The following GRIK2 variants were observed in gnomAD, a reference collection of about 807,000 sequenced individuals.
The protein encoded by GRIK2 is glutamate ionotropic receptor kainate type subunit 2.
In GRIK2, 32 loss-of-function variants were observed where a neutral mutation model predicts 100.3. The ratio of observed to expected loss-of-function variants is 0.32; its 90% CI spans 0.24 to 0.43. The LOEUF (loss-of-function observed/expected upper bound fraction) is 0.43. Among genes scored for constraint, GRIK2 ranks in the 20% least tolerant of loss-of-function variants. GRIK2 has a pLI of 1.00. For synonymous variants in GRIK2, 417 were observed against 389.4 expected (o/e 1.07, Z -0.83); for missense variants, 843 against 1,114.9 (o/e 0.76, Z 3.47).
intron 7 of GRIK2, among the ~76,000 whole-genome samples, chr6:101,699,656 C>G (rs1489001129): frequency 2.0e-5 from 3 of 152,078 alleles, no homozygotes; most frequent in African/African-American, 7.2e-5. Flanking sequence ...TAGCAACTTT[C>G]AAGCCCTGGG....
At chr6:101,543,306 A>G (rs1776091109) in intron 2 of GRIK2, among the ~76,000 whole-genome samples, 1 of 152,182 alleles carries the variant, frequency 6.6e-6, no homozygotes, top group Admixed American at 6.5e-5. Flanking sequence ...CCCCAGTGTA[A>G]CTTCACTTAG....
At chr6:101,787,026 T>C (rs1779470099) in intron 7 of GRIK2, among the ~76,000 whole-genome samples, 1 of 152,120 alleles carries the variant, frequency 6.6e-6, no homozygotes. Flanking sequence ...TTTCTACTTC[T>C]TTCTAATTCA....
At chr6:101,647,532 A>G (rs1173071296) in intron 4 of GRIK2, among the ~76,000 whole-genome samples, 4 of 152,012 alleles carry the variant, frequency 2.6e-5, no homozygotes, top group Admixed American at 6.6e-5. Context: ...AATCACAGCC[A>G]TATAAATAAG....
chr6:101,887,751 G>A (rs1489897184), intron 11 of GRIK2, among the ~76,000 whole-genome samples: 2 of 151,970 alleles, frequency 1.3e-5, no homozygotes, highest in Non-Finnish European at 2.9e-5. Context: ...AGGGAGAAGT[G>A]CTACACACTT....
chr6:101,582,441 T>C (rs1431815004), intron 2 of GRIK2, among the ~76,000 whole-genome samples: 1 of 152,126 alleles, frequency 6.6e-6, no homozygotes, highest in East Asian at 1.9e-4. Flanking sequence ...CCCCCTTCGC[T>C]TGGCTCTCAT....
intron 14 of GRIK2, among the ~76,000 whole-genome samples, chr6:102,030,987 G>A (rs1414808231): frequency 6.7e-6 from 1 of 150,276 alleles, no homozygotes; most frequent in African/African-American, 2.4e-5. Flanking sequence ...TCCTCTGTCA[G>A]TAATGCTCAA....
chr6:102,062,618 A>G (rs1411535511), intron 16 of GRIK2, among the ~76,000 whole-genome samples: 1 of 150,564 alleles, frequency 6.6e-6, no homozygotes, highest in Non-Finnish European at 1.5e-5. Context: ...AAAACCAAAT[A>G]TCAAGAACAA....
rs140180535 is a variant in GRIK2 at position 101,448,235 on chromosome 6, T to C, written c.115+48843T>C. Among the ~76,000 whole-genome samples, 925 of 151,826 alleles carry C rather than the reference T, an allele frequency of 6.1e-3. 6 individuals are homozygous for C. The highest frequency in any genetic ancestry group is 0.022 in the African/African-American group (897 of 41,532). On this transcript the variant is annotated intron_variant, in intron 2 of 16. Coordinates refer to ENST00000369134, the MANE Select transcript of GRIK2 (RefSeq NM_021956.5). ...CTTTATTTCCAAAATCCATGTATTATACATATGTTAGGATATTTGTCAAAT... is the reference window on the plus strand; with the variant it reads ...CTTTATTTCCAAAATCCATGTATTACACATATGTTAGGATATTTGTCAAAT...
chr6:101,588,370 T>G (rs1431722413), intron 2 of GRIK2, among the ~76,000 whole-genome samples: 2 of 152,028 alleles, frequency 1.3e-5, no homozygotes, highest in Non-Finnish European at 2.9e-5. Context: ...AGAGGCAGGT[T>G]GAGGTGTGCA....
intron 4 of GRIK2, among the ~76,000 whole-genome samples, chr6:101,636,397 G>A (rs1007046887): frequency 6.6e-6 from 1 of 152,038 alleles, no homozygotes; most frequent in Middle Eastern, 3.2e-3. Flanking sequence ...AACTCCTAAG[G>A]TAGATGACGG....
At chr6:101,579,037 A>C (rs751878093) in intron 2 of GRIK2, among the ~76,000 whole-genome samples, 4 of 152,184 alleles carry the variant, frequency 2.6e-5, no homozygotes, top group Non-Finnish European at 4.4e-5. Flanking sequence ...ATATTGTTAA[A>C]TAAATAAAGT....
intron 2 of GRIK2, among the ~76,000 whole-genome samples, chr6:101,609,180 T>A (rs533553110): frequency 6.0e-4 from 91 of 151,996 alleles, no homozygotes; most frequent in African/African-American, 2.2e-3. Context: ...AATCAGTTTT[T>A]GAGTTAGATG....
intron 2 of GRIK2, among the ~76,000 whole-genome samples, chr6:101,411,979 T>G (rs534614382): frequency 1.1e-4 from 17 of 152,182 alleles, no homozygotes; most frequent in East Asian, 3.9e-4. Flanking sequence ...AGACATTTGC[T>G]GTAGTTGAGA....
chr6:101,941,067 T>C (rs1449988619), intron 14 of GRIK2, among the ~76,000 whole-genome samples: 2 of 152,138 alleles, frequency 1.3e-5, no homozygotes, highest in Non-Finnish European at 2.9e-5. Flanking sequence ...AATGATTTCT[T>C]CTATGTACTA....
At chr6:102,017,796 T>C (rs1371890242) in intron 14 of GRIK2, among the ~76,000 whole-genome samples, 2 of 152,194 alleles carry the variant, frequency 1.3e-5, no homozygotes. Context: ...GATTCTTTCC[T>C]CAGGTGTGTC....
chr6:101,602,018 G>C (rs1362432579), intron 2 of GRIK2, among the ~76,000 whole-genome samples: 1 of 151,616 alleles, frequency 6.6e-6, no homozygotes, highest in African/African-American at 2.4e-5. Context: ...ATGTTAAATT[G>C]TTTATTTGAG....
chr6:101,702,517 C>T (rs749678029), intron 7 of GRIK2, among the ~76,000 whole-genome samples: 9 of 151,980 alleles, frequency 5.9e-5, no homozygotes, highest in Non-Finnish European at 1.3e-4. Flanking sequence ...AAAGTAGGAT[C>T]TTATGGTATA....
chr6:101,499,585 G>A (rs1773643645), intron 2 of GRIK2, among the ~76,000 whole-genome samples: 1 of 151,738 alleles, frequency 6.6e-6, no homozygotes, highest in African/African-American at 2.4e-5. Flanking sequence ...GTTTCCTTTT[G>A]GAGAAAGTTA....
chr6:101,806,599 T>A (rs1781020401), intron 9 of GRIK2, among the ~76,000 whole-genome samples: 1 of 151,552 alleles, frequency 6.6e-6, no homozygotes, highest in South Asian at 2.1e-4. Flanking sequence ...TGTTCTCAGA[T>A]ATTTTCTTCT....
Sources: gnomAD v4.1 joint callset for allele counts (sites outside exome capture counted in the v4.1 genomes callset) on GRCh38, gnomAD v4.1.1 for gene constraint, MANE v1.5 for transcripts, NCBI Gene and HGNC (gene_info 2026-07-23, HGNC 2026-07-21) for gene names.